GRK5: variants seen among roughly 807,000 people sequenced by gnomAD.
GRK5 encodes g protein-coupled receptor kinase GRK5.
GRK5 carries 40 observed loss-of-function variants against 78.4 expected under a neutral mutation model. That is an observed-to-expected ratio of 0.51 (90% CI 0.40 to 0.66). The LOEUF (loss-of-function observed/expected upper bound fraction) is 0.66. Ranked by LOEUF, GRK5 falls within the 30% of genes least tolerant of loss-of-function variation. The pLI is 0.00. For missense variants in GRK5, 598 were observed against 759.9 expected (o/e 0.79, Z 2.50); for synonymous variants, 289 against 296.8 (o/e 0.97, Z 0.27).
Position 119,379,606 on chromosome 10 carries a change from C to A in GRK5, c.149-1209C>A, listed in dbSNP as rs1402334625. Among the ~76,000 whole-genome samples, 1 of 152,152 alleles carries A rather than the reference C, an allele frequency of 6.6e-6. No individual in the cohort carries two copies. ...AGTTGCTGTCCTTCCCAGGCTCTAT[C>A]GCCCTCTTCCCTGTTTCCCACGAAC... On this transcript the variant is annotated intron_variant, in intron 2 of 15. Coordinates refer to ENST00000392870, the MANE Select transcript of GRK5 (RefSeq NM_005308.3). The surrounding 1 kb of genome is among the most constrained non-coding windows in gnomAD (Gnocchi z 4.1).
intron 1 of GRK5, 75 bp downstream of exon 1, chr10:119,208,044 TG>T: frequency 1.4e-6 from 2 of 1,434,212 alleles, no homozygotes; most frequent in Non-Finnish European, 1.9e-6. Context: ...GCGTGCGGGC[TG>T]GGGCTGCGCC....
intron 1 of GRK5, among the ~76,000 whole-genome samples, chr10:119,268,773 T>G (rs1479141631): frequency 1.3e-5 from 2 of 152,240 alleles, no homozygotes; most frequent in African/African-American, 4.8e-5. Flanking sequence ...GAGCTAGTAA[T>G]GAATAGGGTT....
chr10:119,421,014 C>T (rs1324740333), intron 4 of GRK5, among the ~76,000 whole-genome samples: 2 of 152,210 alleles, frequency 1.3e-5, no homozygotes. Flanking sequence ...CAACTCAGGT[C>T]CCCCTTCTGA....
intron 2 of GRK5, among the ~76,000 whole-genome samples, 188 bp from the exon 3 acceptor site, chr10:119,380,627 T>G (rs990850194): frequency 2.6e-5 from 4 of 152,214 alleles, no homozygotes; most frequent in Admixed American, 1.3e-4. Context: ...GGGTCATCAC[T>G]GGTGCCTTCT....
chr10:119,265,018 A>C lies in GRK5; in HGVS notation c.52+57049A>C, dbSNP rs551442251. ...CTCCGTGCTGAGCTGGTTGGGGCTC[A>C]CAGCGGCCTCTTTGGACAGGCAGCA... On this transcript the variant is annotated intron_variant, in intron 1 of 15. Coordinates refer to ENST00000392870, the MANE Select transcript of GRK5 (RefSeq NM_005308.3). 3.9e-5 allele frequency among the ~76,000 whole-genome samples: 6 copies of C among 152,234 alleles called. No homozygotes were observed. In the South Asian group the frequency reaches 1.2e-3, roughly 32 times the overall value.
intron 1 of GRK5, among the ~76,000 whole-genome samples, chr10:119,280,104 T>G (rs762967100): frequency 1.3e-5 from 2 of 152,172 alleles, no homozygotes; most frequent in Non-Finnish European, 2.9e-5. Flanking sequence ...TCCCCTGCTC[T>G]GTGCCCAGGG....
chr10:119,458,396 T>C lies in GRK5; in HGVS notation c.*3329T>C, dbSNP rs3009897. The C allele has an allele frequency of 1, 151,835 of 152,418 alleles. 75,629 individuals carry two copies. Among genetic ancestry groups the C allele is most frequent in the Middle Eastern group, 1 (296 of 296 alleles). The allele number at this position is 152,418 out of a possible 1,614,324, so 9.4% of individuals were successfully genotyped here. A position where few individuals can be genotyped will look rare whatever the true frequency, so the allele number is the denominator to read the frequency against. On this transcript the variant is annotated 3_prime_UTR_variant, in exon 16 of 16. Transcript: ENST00000392870. Reference sequence around the variant, plus strand: ...CCGCCTTGCGGACGATGCACTCACATGCCACAGCAACCCATTCTCGCCTCT... The same window carrying C: ...CCGCCTTGCGGACGATGCACTCACACGCCACAGCAACCCATTCTCGCCTCT...
At chr10:119,350,620 GT>G (rs1211156890) in intron 2 of GRK5, among the ~76,000 whole-genome samples, 1 of 152,208 alleles carries the variant, frequency 6.6e-6, no homozygotes, top group Non-Finnish European at 1.5e-5. Context: ...CTTTCAGAAG[GT>G]TTTATTTGTC....
At chr10:119,368,421 C>A (rs530462213) in intron 2 of GRK5, among the ~76,000 whole-genome samples, 6 of 152,318 alleles carry the variant, frequency 3.9e-5, no homozygotes, top group African/African-American at 1.4e-4. Flanking sequence ...AGATCCCCAG[C>A]AGTGGTGAAC....
chr10:119,297,103 C>T (rs1040232107), intron 1 of GRK5, among the ~76,000 whole-genome samples: 5 of 152,218 alleles, frequency 3.3e-5, no homozygotes, highest in Non-Finnish European at 4.4e-5. Flanking sequence ...CTCCCTCCTT[C>T]GGGACACTGC....
chr10:119,248,941 T>G (rs940279520), intron 1 of GRK5, among the ~76,000 whole-genome samples: 3 of 152,170 alleles, frequency 2.0e-5, no homozygotes, highest in Admixed American at 2.0e-4. Flanking sequence ...GGCAAGTTAC[T>G]AATCTCTCCA....
At chr10:119,243,582 T>TCTTTC (rs1336401965) in intron 1 of GRK5, among the ~76,000 whole-genome samples, 1 of 151,924 alleles carries the variant, frequency 6.6e-6, no homozygotes, top group African/African-American at 2.4e-5. Context: ...TTTTTTTTTT[T>TCTTTC]TCTTTCTGTC....
chr10:119,250,378 T>C (rs1849180055), intron 1 of GRK5, among the ~76,000 whole-genome samples: 1 of 152,034 alleles, frequency 6.6e-6, no homozygotes, highest in Non-Finnish European at 1.5e-5. Context: ...TCAGAGATAG[T>C]CATTTTCTTT....
chr10:119,210,803 G>A (rs1233392394), intron 1 of GRK5, among the ~76,000 whole-genome samples: 2 of 152,200 alleles, frequency 1.3e-5, no homozygotes, highest in African/African-American at 4.8e-5. Flanking sequence ...CTTGAAGAAA[G>A]ACAGGCACAC....
chr10:119,341,949 C>G (rs933969801), intron 2 of GRK5, among the ~76,000 whole-genome samples: 1 of 152,212 alleles, frequency 6.6e-6, no homozygotes, highest in African/African-American at 2.4e-5. Flanking sequence ...CACCTCCCGC[C>G]AAGGGCAGTG....
chr10:119,233,985 CAT>C (rs1447877582), intron 1 of GRK5, among the ~76,000 whole-genome samples: 2 of 152,170 alleles, frequency 1.3e-5, no homozygotes, highest in Non-Finnish European at 1.5e-5. Flanking sequence ...TGTCCACACA[CAT>C]GTTGGTTTGA....
intron 1 of GRK5, among the ~76,000 whole-genome samples, chr10:119,249,546 G>A (rs1326094176): frequency 6.6e-6 from 1 of 152,106 alleles, no homozygotes; most frequent in Non-Finnish European, 1.5e-5. Flanking sequence ...TGCCCAGGCT[G>A]GAGTGCAATG....
intron 4 of GRK5, among the ~76,000 whole-genome samples, chr10:119,419,978 G>A (rs1428397232): frequency 3.3e-5 from 5 of 152,142 alleles, no homozygotes; most frequent in Non-Finnish European, 5.9e-5. Flanking sequence ...GTCCTGAGGG[G>A]ATAAGGTGAG....
intron 1 of GRK5, among the ~76,000 whole-genome samples, chr10:119,216,751 A>G (rs986935134): frequency 6.6e-6 from 1 of 152,070 alleles, no homozygotes; most frequent in African/African-American, 2.4e-5. Context: ...TCAGGAGTTC[A>G]AGATCAGCCT....
Sources: allele counts gnomAD v4.1 joint callset (sites outside exome capture counted in the v4.1 genomes callset), GRCh38; gene constraint gnomAD v4.1.1; non-coding constraint Gnocchi (gnomAD v3.1); transcripts MANE v1.5; gene names NCBI Gene and HGNC (gene_info 2026-07-23, HGNC 2026-07-21).